Variants in GINS1 observed in about 807,000 individuals in gnomAD.
GINS1 encodes the protein GINS complex subunit 1, also known as DNA replication complex GINS protein PSF1.
A neutral mutation model predicts 34.9 loss-of-function variants in GINS1; 26 were observed. That is an observed-to-expected ratio of 0.74 (90% CI 0.55 to 1.03). The LOEUF (loss-of-function observed/expected upper bound fraction) is 1.03. Ranked by LOEUF, GINS1 falls within the 50% of genes least tolerant of loss-of-function variation. GINS1 has a pLI of 0.00. For synonymous variants in GINS1, 97 were observed against 84.4 expected (o/e 1.15, Z -0.82); for missense variants, 235 against 237.9 (o/e 0.99, Z 0.08).
intron 5 of GINS1, among the ~76,000 whole-genome samples, chr20:25,437,184 A>G (rs1235625913): frequency 1.3e-5 from 2 of 152,214 alleles, no homozygotes; most frequent in East Asian, 1.9e-4. Flanking sequence ...AGGTGGGAAA[A>G]CGGTGCTAGC....
At chr20:25,443,240 A>T (rs1218247194) in intron 6 of GINS1, 3 of 152,212 alleles carry the variant, frequency 2.0e-5, no homozygotes, top group Non-Finnish European at 4.4e-5. Context: ...TTTTTAAAAA[A>T]GATTTTGAGG....
intron 5 of GINS1, among the ~76,000 whole-genome samples, chr20:25,433,907 G>T (rs1441835805): frequency 6.6e-6 from 1 of 152,024 alleles, no homozygotes; most frequent in East Asian, 1.9e-4. Flanking sequence ...CAAAATTTAG[G>T]GTTGCAAAGT....
intron 5 of GINS1, among the ~76,000 whole-genome samples, chr20:25,426,272 C>T (rs2090390114): frequency 6.6e-6 from 1 of 152,014 alleles, no homozygotes. Context: ...GAATTTGTGT[C>T]AGAATTTCCG....
In GINS1 at chr20:25,445,990, GACCATGCGCCGAGGCA is replaced by G; in HGVS notation, c.591_*15del. The G allele has an allele frequency of 6.2e-7, 1 of 1,600,156 alleles. No individual in the cohort carries two copies. The highest frequency in any genetic ancestry group is 2.2e-5 in the East Asian group (1 of 44,798). Reference sequence around the variant, plus strand: ...GGAGTCCTGGAGCACATCCTGTCATGACCATGCGCCGAGGCACTTCCAGGCTTCACTCAACTCATGG... The same window carrying G: ...GGAGTCCTGGAGCACATCCTGTCATGCTTCCAGGCTTCACTCAACTCATGG... On this transcript the variant is annotated stop_lost and 3_prime_UTR_variant, in exon 7 of 7. Coordinates refer to ENST00000262460, the MANE Select transcript of GINS1 (RefSeq NM_021067.5).
intron 4 of GINS1, among the ~76,000 whole-genome samples, chr20:25,423,815 C>T (rs574153999): frequency 6.6e-6 from 1 of 151,940 alleles, no homozygotes; most frequent in African/African-American, 2.4e-5. Flanking sequence ...GGGGTTTCAC[C>T]ATGTTAGCCA....
intron 4 of GINS1, among the ~76,000 whole-genome samples, chr20:25,419,530 T>C (rs2090342066): frequency 6.6e-6 from 1 of 152,226 alleles, no homozygotes; most frequent in African/African-American, 2.4e-5. Context: ...CTTTATGCTC[T>C]TTGTGTTCAA....
At chr20:25,441,653 G>A in intron 5 of GINS1, 49 bp from the exon 6 acceptor site, 1 of 890,302 alleles carries the variant, frequency 1.1e-6, no homozygotes, top group Middle Eastern at 2.3e-4. Context: ...TTTGGTCACT[G>A]CATATTAAAA....
chr20:25,443,329 G>T (rs964641694), intron 6 of GINS1, among the ~76,000 whole-genome samples: 4 of 152,166 alleles, frequency 2.6e-5, no homozygotes, highest in Non-Finnish European at 5.9e-5. Flanking sequence ...ATTTAAAGCA[G>T]ATAATGAATT....
At chr20:25,433,360 C>T (rs936367865) in intron 5 of GINS1, among the ~76,000 whole-genome samples, 1 of 151,968 alleles carries the variant, frequency 6.6e-6, no homozygotes, top group African/African-American at 2.4e-5. Flanking sequence ...TCATTACCCC[C>T]CACAGATACC....
intron 3 of GINS1, 52 bp from the exon 4 acceptor site, chr20:25,418,053 A>C: frequency 1.0e-6 from 1 of 972,766 alleles, no homozygotes. Flanking sequence ...TGAAGTCCAC[A>C]CGTGATCCCC....
chr20:25,412,760 A>G (rs2090294256), intron 1 of GINS1, among the ~76,000 whole-genome samples: 1 of 152,182 alleles, frequency 6.6e-6, no homozygotes, highest in Non-Finnish European at 1.5e-5. Context: ...TTCTGTAATT[A>G]TCAAAATATC....
At chr20:25,436,178 C>T (rs1016281632) in intron 5 of GINS1, among the ~76,000 whole-genome samples, 1 of 152,052 alleles carries the variant, frequency 6.6e-6, no homozygotes, top group Non-Finnish European at 1.5e-5. Flanking sequence ...GTCTCAACCT[C>T]TTGGCTTCAA....
chr20:25,439,570 GACTT>G (rs1376667043), intron 5 of GINS1, among the ~76,000 whole-genome samples: 1 of 151,876 alleles, frequency 6.6e-6, no homozygotes, highest in Non-Finnish European at 1.5e-5. Flanking sequence ...GATTAAAAGA[GACTT>G]ACAAGACATT....
At chr20:25,421,915 T>C (rs988828575) in intron 4 of GINS1, among the ~76,000 whole-genome samples, 1 of 152,186 alleles carries the variant, frequency 6.6e-6, no homozygotes, top group African/African-American at 2.4e-5. Flanking sequence ...TTGACTCATT[T>C]GGCAAGATCT....
rs2090384775 is a variant in GINS1, at chr20:25,425,306, A to G, written c.426A>G (p.Pro142=). 3 of 1,478,132 alleles carry G rather than the reference A, an allele frequency of 2.0e-6. No homozygotes were observed. In the Admixed American group the frequency reaches 5.0e-5, roughly 25 times the overall value. The allele number at this position is 1,478,132 out of a possible 1,614,324, so 91.6% of individuals were successfully genotyped here. The change falls in exon 5 of 7, where the codon CCA becomes CCG. Residue 142 remains proline, a synonymous_variant. Transcript: ENST00000262460. ...TGGACATTACACAGGATATGAAACC[A>G]CCAAAAAGCCTATATATTGAAGTAT... ...EGLDITQDMK[P]PKSLYIEVRC... is the part of the protein sequence containing the mutation.
At position 25,448,179 on chromosome 20, in the gene GINS1, A is replaced by C. The variant is rs2090523230; in HGVS notation, c.*2188A>C. ...TCAATTTCTACAACAACAACAACAA[A>C]AACCCCTGTTGGGCACCTTGATTGA... is the stretch of plus-strand genomic sequence containing the variant. On this transcript the variant is annotated 3_prime_UTR_variant, in exon 7 of 7. Coordinates refer to ENST00000262460, the MANE Select transcript of GINS1 (RefSeq NM_021067.5). 1 of 152,150 alleles carries C rather than the reference A, an allele frequency of 6.6e-6. No homozygotes were observed. The highest frequency in any genetic ancestry group is 2.1e-4 in the South Asian group (1 of 4,820). The allele number at this position is 152,150 out of a possible 1,614,324, so 9.4% of individuals were successfully genotyped here.
intron 5 of GINS1, among the ~76,000 whole-genome samples, chr20:25,428,218 A>G (rs2090403511): frequency 6.6e-6 from 1 of 151,742 alleles, no homozygotes; most frequent in Non-Finnish European, 1.5e-5. Flanking sequence ...CATATCCCAG[A>G]AATCATTGCT....
At chr20:25,432,626 C>G (rs1310176652) in intron 5 of GINS1, among the ~76,000 whole-genome samples, 2 of 151,990 alleles carry the variant, frequency 1.3e-5, no homozygotes, top group Non-Finnish European at 2.9e-5. Flanking sequence ...GCCACCATGC[C>G]TGGCTAATTT....
Position 25,448,490 on chromosome 20 carries a change from C to A in GINS1, c.*2499C>A, listed in dbSNP as rs1568814948. ...CTTCAGCCTTGCTAAACTGTGAGTT[C>A]TCATGGTGTTTTTGTAAATTACATC... On this transcript the variant is annotated 3_prime_UTR_variant, in exon 7 of 7. Transcript: ENST00000262460. 6.6e-6 allele frequency: 1 copy of A among 152,216 alleles called. No individual in the cohort carries two copies. Among genetic ancestry groups the A allele is most frequent in the Non-Finnish European group, 1.5e-5 (1 of 68,038 alleles). The allele number at this position is 152,216 out of a possible 1,614,324, so 9.4% of individuals were successfully genotyped here.
Sources: allele counts gnomAD v4.1 joint callset (sites outside exome capture counted in the v4.1 genomes callset), GRCh38; gene constraint gnomAD v4.1.1; transcripts MANE v1.5; gene names NCBI Gene and HGNC (gene_info 2026-07-23, HGNC 2026-07-21).